Variants in NEGR1 observed in about 807,000 individuals in gnomAD.
NEGR1 encodes IgLON family member 4.
NEGR1 carries 10 observed loss-of-function variants against 40.9 expected under a neutral mutation model. That is an observed-to-expected ratio of 0.24 (90% CI 0.15 to 0.42). The LOEUF is 0.42. Ranked by LOEUF, NEGR1 falls within the 10% of genes least tolerant of loss-of-function variation. The probability of loss-of-function intolerance (pLI) is 1.00; values close to 1 mark genes in which losing one functional copy is unlikely to be tolerated. For missense variants in NEGR1, 352 were observed against 438.9 expected (o/e 0.80, Z 1.77); for synonymous variants, 185 against 166.8 (o/e 1.11, Z -0.84).
At chr1:71,618,779 C>T (rs1298086578) in intron 4 of NEGR1, among the ~76,000 whole-genome samples, 2 of 152,114 alleles carry the variant, frequency 1.3e-5, no homozygotes, top group Non-Finnish European at 2.9e-5. Context: ...GTCCCTGGTG[C>T]CAAAAAGGTT....
At chr1:71,997,900 G>A (rs1006248640) in intron 1 of NEGR1, among the ~76,000 whole-genome samples, 13 of 151,824 alleles carry the variant, frequency 8.6e-5, no homozygotes, top group Admixed American at 2.6e-4. Flanking sequence ...ATGTACATGA[G>A]GTTTGACACC....
chr1:72,088,316 G>A (rs1308759671), intron 1 of NEGR1, among the ~76,000 whole-genome samples: 1 of 152,120 alleles, frequency 6.6e-6, no homozygotes, highest in African/African-American at 2.4e-5. Context: ...CTTTGGGGGA[G>A]TGAAGCAATA....
intron 2 of NEGR1, among the ~76,000 whole-genome samples, chr1:71,908,964 G>A (rs1195661716): frequency 1.3e-5 from 2 of 151,894 alleles, no homozygotes. Flanking sequence ...ATTTTTAAAT[G>A]GTGTCAAGTG....
chr1:72,110,720 T>C (rs1649327882), intron 1 of NEGR1, among the ~76,000 whole-genome samples: 1 of 151,586 alleles, frequency 6.6e-6, no homozygotes, highest in Non-Finnish European at 1.5e-5. Context: ...TACTTAGAAA[T>C]AAGACACACT....
At chr1:72,001,096 TAGGAG>T (rs1646553668) in intron 1 of NEGR1, among the ~76,000 whole-genome samples, 1 of 152,072 alleles carries the variant, frequency 6.6e-6, no homozygotes, top group Non-Finnish European at 1.5e-5. Context: ...GCATGTGCAC[TAGGAG>T]GACAGGGTAC....
At chr1:72,265,482 T>C (rs1207124326) in intron 1 of NEGR1, among the ~76,000 whole-genome samples, 2 of 150,958 alleles carry the variant, frequency 1.3e-5, no homozygotes, top group Non-Finnish European at 3.0e-5. Context: ...ATGTAACTAA[T>C]ATACTACAGA....
At chr1:72,143,886 A>ATATAT (rs1650781808) in intron 1 of NEGR1, among the ~76,000 whole-genome samples, 3 of 79,906 alleles carry the variant, frequency 3.8e-5, no homozygotes, top group Admixed American at 1.4e-4. Context: ...ATATATTCAT[A>ATATAT]TATATATATT....
intron 2 of NEGR1, among the ~76,000 whole-genome samples, chr1:71,876,193 G>A (rs565337413): frequency 5.3e-5 from 8 of 151,884 alleles, no homozygotes; most frequent in South Asian, 2.1e-4. Flanking sequence ...ATTTTTCTTC[G>A]GAAAAGTCCA....
Position 71,624,188 on chromosome 1 carries a change from A to G in NEGR1, c.668-13042T>C, listed in dbSNP as rs186185658. ...TACCAGTTCATCAATGTCATTGAGA[A>G]ACATTTCTAAGTCTTGAGAGATGCT... is the stretch of plus-strand genomic sequence containing the variant. On this transcript the variant is annotated intron_variant, in intron 4 of 6. Transcript: ENST00000357731. Among the ~76,000 whole-genome samples, 51 of 152,100 alleles carry G rather than the reference A, an allele frequency of 3.4e-4. 2 individuals carry two copies. The East Asian group carries it at 9.7e-3, about 29-fold the overall frequency.
intron 1 of NEGR1, among the ~76,000 whole-genome samples, chr1:72,149,879 C>CAAAAAAAAAAAAAAAAAAAAAA (rs1180110033): frequency 2.5e-5 from 1 of 39,372 alleles, no homozygotes; most frequent in East Asian, 7.9e-4. Context: ...AAAACTCTGT[C>CAAAAAAAAAAAAAAAAAAAAAA]AAAAAAAAAA....
intron 1 of NEGR1, among the ~76,000 whole-genome samples, chr1:72,090,447 G>A (rs900000395): frequency 2.0e-5 from 3 of 151,006 alleles, no homozygotes; most frequent in South Asian, 2.1e-4. Flanking sequence ...ATATGTATGG[G>A]AATTTACACA....
At chr1:71,544,167 T>C (rs1298687564) in intron 6 of NEGR1, among the ~76,000 whole-genome samples, 1 of 151,736 alleles carries the variant, frequency 6.6e-6, no homozygotes, top group Non-Finnish European at 1.5e-5. Flanking sequence ...TGAAATAGTA[T>C]ATGTTTTAGG....
At chr1:71,506,963 G>A (rs72936156) in intron 6 of NEGR1, among the ~76,000 whole-genome samples, 6,124 of 152,250 alleles carry the variant, frequency 0.04, 409 homozygotes, top group African/African-American at 0.14. Flanking sequence ...AGGTCAAGAT[G>A]ATACTATATA....
intron 6 of NEGR1, among the ~76,000 whole-genome samples, chr1:71,514,419 G>A (rs1242563762): frequency 3.9e-5 from 4 of 101,406 alleles, no homozygotes; most frequent in Non-Finnish European, 7.8e-5. Context: ...CCTGACCCCT[G>A]ACCCCCGGGC....
chr1:71,567,367 A>T (rs1648653071), intron 6 of NEGR1, among the ~76,000 whole-genome samples: 1 of 151,982 alleles, frequency 6.6e-6, no homozygotes, highest in Non-Finnish European at 1.5e-5. Flanking sequence ...TTGAGGGAAA[A>T]CTCTTCTAAA....
chr1:71,484,106 G>C (rs567986218), intron 6 of NEGR1, among the ~76,000 whole-genome samples: 1 of 151,538 alleles, frequency 6.6e-6, no homozygotes, highest in Admixed American at 6.6e-5. Context: ...TGGATTTTAG[G>C]CCTTGATTGA....
chr1:71,864,362 G>A (rs536984246), intron 2 of NEGR1, among the ~76,000 whole-genome samples: 1 of 152,258 alleles, frequency 6.6e-6, no homozygotes, highest in African/African-American at 2.4e-5. Flanking sequence ...GATATGAATG[G>A]TCTAGCAGTG....
chr1:72,257,511 GAT>G (rs1006375223), intron 1 of NEGR1, among the ~76,000 whole-genome samples: 4 of 152,002 alleles, frequency 2.6e-5, no homozygotes, highest in African/African-American at 9.7e-5. Flanking sequence ...GTAACATGTT[GAT>G]ATGTGTGTCC....
chr1:72,118,897 T>A (rs981463629), intron 1 of NEGR1, among the ~76,000 whole-genome samples: 5 of 151,786 alleles, frequency 3.3e-5, no homozygotes, highest in Non-Finnish European at 5.9e-5. Flanking sequence ...ACAAGAAATA[T>A]TTTATTTCTT....
Sources: gnomAD v4.1 joint callset for allele counts (sites outside exome capture counted in the v4.1 genomes callset) on GRCh38, gnomAD v4.1.1 for gene constraint, MANE v1.5 for transcripts, NCBI Gene and HGNC (gene_info 2026-07-23, HGNC 2026-07-21) for gene names.